The following CMTM6 variants were observed in gnomAD, a reference collection of about 807,000 sequenced individuals.
CMTM6 encodes CKLF like MARVEL transmembrane domain containing 6.
In CMTM6, 5 loss-of-function variants were observed where a neutral mutation model predicts 13.6. That is an observed-to-expected ratio of 0.37 (90% CI 0.19 to 0.77). The LOEUF (loss-of-function observed/expected upper bound fraction) is 0.77. Among genes scored for constraint, CMTM6 ranks in the 30% least tolerant of loss-of-function variants. The probability of loss-of-function intolerance (pLI) is 0.50; values close to 1 mark genes in which losing one functional copy is unlikely to be tolerated. For synonymous variants in CMTM6, 99 were observed against 84.5 expected, an observed-to-expected ratio of 1.17 and a Z score of -0.94; for missense variants, 196 against 218.6, an observed-to-expected ratio of 0.90 and a Z score of 0.65.
Position 32,483,913 on chromosome 3 carries a change from CACAATGCAGGGTCACTACCTTAG to C in CMTM6, c.*24_*46del. The C allele has an allele frequency of 6.8e-7, 1 of 1,476,402 alleles. No homozygotes were observed. The highest frequency in any genetic ancestry group is 9.0e-7 in the Non-Finnish European group (1 of 1,112,516). The allele number at this position is 1,476,402 out of a possible 1,614,324, so 91.5% of individuals were successfully genotyped here. On this transcript the variant is annotated 3_prime_UTR_variant, in exon 4 of 4. Coordinates refer to ENST00000205636, the MANE Select transcript of CMTM6 (RefSeq NM_017801.3). ...AGAGCTTCTGCCAGGGCTCAGGCAC[CACAATGCAGGGTCACTACCTTAG>C]GTAACATCTGCTCCCCAGAGTCTTT...
intron 1 of CMTM6, among the ~76,000 whole-genome samples, chr3:32,498,769 G>A (rs995570651): frequency 3.3e-5 from 5 of 151,558 alleles, no homozygotes; most frequent in African/African-American, 9.7e-5. Context: ...TAGTAGAGAC[G>A]GGGTTTCACC....
At chr3:32,492,984 A>G (rs1433818972) in intron 1 of CMTM6, among the ~76,000 whole-genome samples, 1 of 152,200 alleles carries the variant, frequency 6.6e-6, no homozygotes, top group African/African-American at 2.4e-5. Context: ...GAGTCAGACT[A>G]TTTTACCAGC....
At chr3:32,485,020 C>T (rs996898819) in intron 3 of CMTM6, among the ~76,000 whole-genome samples, 4 of 151,928 alleles carry the variant, frequency 2.6e-5, no homozygotes, top group Admixed American at 6.6e-5. Flanking sequence ...TAATTATCAA[C>T]GCCTCCCACC....
intron 3 of CMTM6, chr3:32,487,684 C>T (rs1044933052): frequency 1.0e-5 from 3 of 300,262 alleles, no homozygotes; most frequent in Non-Finnish European, 1.8e-5. Flanking sequence ...AATTTTACCA[C>T]TTCCATTAGC....
intron 1 of CMTM6, among the ~76,000 whole-genome samples, chr3:32,496,748 C>T (rs1354742464): frequency 6.6e-6 from 1 of 151,990 alleles, no homozygotes; most frequent in South Asian, 2.1e-4. Flanking sequence ...CCTGGATAGA[C>T]AGAGGACATT....
At chr3:32,500,881 A>AT (rs1019300440) in intron 1 of CMTM6, among the ~76,000 whole-genome samples, 3 of 152,184 alleles carry the variant, frequency 2.0e-5, no homozygotes, top group Non-Finnish European at 2.9e-5. Flanking sequence ...AATACAGATG[A>AT]TTTTTTTCGA....
intron 2 of CMTM6, among the ~76,000 whole-genome samples, chr3:32,489,361 G>A (rs936568122): frequency 1.3e-5 from 2 of 150,296 alleles, no homozygotes; most frequent in African/African-American, 4.9e-5. Context: ...AAATGTAAGA[G>A]GTTTTCTTGC....
chr3:32,491,918 G>C lies in CMTM6; in HGVS notation c.139-32C>G. The C allele has an allele frequency of 6.4e-6, 10 of 1,551,862 alleles. No homozygotes were observed. The Middle Eastern group carries it at 5.1e-4, about 80-fold the overall frequency. On this transcript the variant is annotated intron_variant, in intron 1 of 3. Transcript: ENST00000205636. Reference sequence around the variant, plus strand: ...ATGAAGCAAAACATTTTACTTAAGTGTTTTTTCAGAGAATCTACAGTATTT... The same window carrying C: ...ATGAAGCAAAACATTTTACTTAAGTCTTTTTTCAGAGAATCTACAGTATTT...
At chr3:32,490,171 G>A (rs148182659) in intron 2 of CMTM6, among the ~76,000 whole-genome samples, 173 of 152,004 alleles carry the variant, frequency 1.1e-3, no homozygotes, top group African/African-American at 3.7e-3. Flanking sequence ...GTTTGAACCC[G>A]GGAGGTGGAA....
chr3:32,502,402 G>A (rs1225129378), intron 1 of CMTM6, among the ~76,000 whole-genome samples: 3 of 152,244 alleles, frequency 2.0e-5, no homozygotes, highest in Non-Finnish European at 4.4e-5. Context: ...GGATCCCGAT[G>A]GGGAGAGCCT....
chr3:32,487,848 T>C (rs1397583316), intron 3 of CMTM6, 90 bp downstream of exon 3: 2 of 815,350 alleles, frequency 2.5e-6, no homozygotes, highest in Non-Finnish European at 3.8e-6. Context: ...AAAACAACTC[T>C]AACATGCTGT....
At chr3:32,499,900 G>GAA (rs755511273) in intron 1 of CMTM6, among the ~76,000 whole-genome samples, 28 of 122,018 alleles carry the variant, frequency 2.3e-4, no homozygotes, top group East Asian at 4.5e-4. Flanking sequence ...TCAGAGGTTT[G>GAA]AAAAAAAAAA....
chr3:32,494,664 G>C (rs1449773918), intron 1 of CMTM6, among the ~76,000 whole-genome samples: 1 of 151,776 alleles, frequency 6.6e-6, no homozygotes, highest in African/African-American at 2.4e-5. Flanking sequence ...CCATACCATG[G>C]AATATTAGCA....
intron 1 of CMTM6, among the ~76,000 whole-genome samples, chr3:32,497,111 C>G (rs1478138605): frequency 6.6e-6 from 1 of 152,026 alleles, no homozygotes; most frequent in African/African-American, 2.4e-5. Context: ...ACACCGGGCG[C>G]GGTGGCTCAC....
chr3:32,483,997 G>A lies in CMTM6; in HGVS notation c.515C>T (p.Thr172Ile). The A allele has an allele frequency of 6.2e-7, 1 of 1,612,024 alleles. No individual in the cohort carries two copies. Among genetic ancestry groups the A allele is most frequent in the Non-Finnish European group, 8.5e-7 (1 of 1,179,428 alleles). ...TGGCTCAGTGAGGGCTTCAGCCCTAGTGGTATTTTCAGGTTTTCTCAGCTG... is the reference window on the plus strand; with the variant it reads ...TGGCTCAGTGAGGGCTTCAGCCCTAATGGTATTTTCAGGTTTTCTCAGCTG... ...ESQLRKPENTTRAEALTEPLN... is the reference protein window; with the variant it reads ...ESQLRKPENTIRAEALTEPLN... The change falls in exon 4 of 4, where the codon ACT (threonine) becomes ATT (isoleucine). Residue 172 changes from threonine (T) to isoleucine (I), a missense_variant. Physicochemically the swap from Thr to Ile is moderately conservative, Grantham distance 89 (BLOSUM62 -1). Coordinates refer to ENST00000205636, the MANE Select transcript of CMTM6 (RefSeq NM_017801.3).
Position 32,502,780 on chromosome 3 carries a change from CCG to C in CMTM6, c.-37_-36del. 1 of 1,400,906 alleles carries C rather than the reference CCG, an allele frequency of 7.1e-7. No homozygotes were observed. Among genetic ancestry groups the C allele is most frequent in the Non-Finnish European group, 9.3e-7 (1 of 1,077,466 alleles). 86.8% of individuals were successfully genotyped at this position (1,400,906 alleles called of 1,614,324 possible). A position where few individuals can be genotyped will look rare whatever the true frequency, so the allele number is the denominator to read the frequency against. On this transcript the variant is annotated 5_prime_UTR_variant, in exon 1 of 4. Coordinates refer to ENST00000205636, the MANE Select transcript of CMTM6 (RefSeq NM_017801.3). ...CCGGGGAGCGCGGCGGCCGCAGCAA[CCG>C]CGCCGTTGACTTCTCGGACTCCAGA...
At chr3:32,492,162 A>C (rs1310217665) in intron 1 of CMTM6, among the ~76,000 whole-genome samples, 1 of 152,244 alleles carries the variant, frequency 6.6e-6, no homozygotes, top group African/African-American at 2.4e-5. Context: ...GAGACGCTCA[A>C]CTGCGGGGTC....
chr3:32,502,736 C>A lies in CMTM6; in HGVS notation c.10G>T (p.Gly4Ter). 6.7e-7 allele frequency: 1 copy of A among 1,482,494 alleles called. No individual in the cohort carries two copies. Among genetic ancestry groups the A allele is most frequent in the East Asian group, 2.7e-5 (1 of 36,786 alleles). The allele number at this position is 1,482,494 out of a possible 1,614,324, so 91.8% of individuals were successfully genotyped here. A position where few individuals can be genotyped will look rare whatever the true frequency, so the allele number is the denominator to read the frequency against. ...TCCGTAGTGGGGCTGTACACCGCTCCGTTCTCCATCGCCTCGGGCCGGGGA... is the reference window on the plus strand; with the variant it reads ...TCCGTAGTGGGGCTGTACACCGCTCAGTTCTCCATCGCCTCGGGCCGGGGA... MEN[G>*]AVYSPTTEED... is the part of the protein sequence containing the mutation. Residue 4 changes from glycine to a stop codon, truncating the protein, a stop_gained, in exon 1 of 4, where the codon GGA (glycine) becomes TGA (stop). Transcript: ENST00000205636. LOFTEE classifies it high-confidence loss of function.
At chr3:32,496,272 C>T (rs1697290216) in intron 1 of CMTM6, among the ~76,000 whole-genome samples, 1 of 150,798 alleles carries the variant, frequency 6.6e-6, no homozygotes, top group Admixed American at 6.6e-5. Context: ...ATTGGCACTA[C>T]AAGCTATAGT....
Sources: allele counts gnomAD v4.1 joint callset (sites outside exome capture counted in the v4.1 genomes callset), GRCh38; gene constraint gnomAD v4.1.1; transcripts MANE v1.5; gene names NCBI Gene and HGNC (gene_info 2026-07-23, HGNC 2026-07-21).